The following GATM variants were observed in gnomAD, a reference collection of about 807,000 sequenced individuals.
The protein encoded by GATM is glycine amidinotransferase, also known as glycine amidinotransferase, mitochondrial.
In GATM, 23 loss-of-function variants were observed where a neutral mutation model predicts 54.2. The ratio of observed to expected loss-of-function variants is 0.42; its 90% CI spans 0.31 to 0.60. The LOEUF (loss-of-function observed/expected upper bound fraction) is 0.60. Among genes scored for constraint, GATM ranks in the 20% least tolerant of loss-of-function variants. The pLI is 0.14. For missense variants in GATM, 401 were observed against 544.9 expected, an observed-to-expected ratio of 0.74 and a Z score of 2.63; for synonymous variants, 168 against 183.1, an observed-to-expected ratio of 0.92 and a Z score of 0.67.
At chr15:45,391,747 T>C (rs1358248868) in intron 3 of GATM, among the ~76,000 whole-genome samples, 3 of 152,198 alleles carry the variant, frequency 2.0e-5, no homozygotes, top group Non-Finnish European at 4.4e-5. Flanking sequence ...GAGTTGGTGT[T>C]AGGCAAAAGT....
chr15:45,392,495 C>G (rs1426697480), intron 3 of GATM, among the ~76,000 whole-genome samples: 1 of 152,204 alleles, frequency 6.6e-6, no homozygotes, highest in Non-Finnish European at 1.5e-5. Context: ...CTGGCTGTCA[C>G]AGAACGTGGG....
intron 1 of GATM, chr15:45,378,148 G>A: frequency 2.1e-6 from 1 of 470,738 alleles, no homozygotes; most frequent in Non-Finnish European, 3.8e-6. Flanking sequence ...GACCCCAAGG[G>A]CTGGAGCCGC....
chr15:45,369,013 T>C (rs1889493535), intron 3 of GATM, among the ~76,000 whole-genome samples: 1 of 152,184 alleles, frequency 6.6e-6, no homozygotes, highest in Admixed American at 6.5e-5. Flanking sequence ...AATGGAAATG[T>C]TTCTATTCCC....
At chr15:45,364,134 T>A in intron 7 of GATM, 118 bp from the exon 8 acceptor site, 2 of 745,810 alleles carry the variant, frequency 2.7e-6, no homozygotes, top group South Asian at 2.8e-5. Context: ...ACTTTCCATG[T>A]GAACATTTAT....
intron 1 of GATM, among the ~76,000 whole-genome samples, chr15:45,400,236 T>G (rs926600096): frequency 1.3e-5 from 2 of 152,030 alleles, no homozygotes; most frequent in Admixed American, 6.6e-5. Flanking sequence ...AAATAAAATT[T>G]TAAAAATAAA....
At chr15:45,390,483 A>C (rs1420063179) in intron 3 of GATM, among the ~76,000 whole-genome samples, 1 of 152,220 alleles carries the variant, frequency 6.6e-6, no homozygotes, top group Non-Finnish European at 1.5e-5. Context: ...TGATTCAGTG[A>C]AAGGAGGTAT....
chr15:45,368,311 A>G lies in GATM; in HGVS notation c.485-51T>C, dbSNP rs1410124639. The G allele has an allele frequency of 1.9e-6, 3 of 1,554,330 alleles. No homozygotes were observed. Among genetic ancestry groups the G allele is most frequent in the Non-Finnish European group, 2.7e-6 (3 of 1,130,556 alleles). ...AACTTCAGTAGTGTTAATTTCCAAGACAAAAAAGGTCTATATAGGGCCAGG... is the reference window on the plus strand; with the variant it reads ...AACTTCAGTAGTGTTAATTTCCAAGGCAAAAAAGGTCTATATAGGGCCAGG... On this transcript the variant is annotated intron_variant, in intron 3 of 8. Coordinates refer to ENST00000396659, the MANE Select transcript of GATM (RefSeq NM_001482.3). This position sits in a 1 kb window ranked among gnomAD's most constrained non-coding sequence, Gnocchi z 5.1.
chr15:45,399,138 A>T (rs911641206), intron 2 of GATM, among the ~76,000 whole-genome samples: 7 of 152,244 alleles, frequency 4.6e-5, no homozygotes, highest in Non-Finnish European at 7.3e-5. Context: ...ATTTAAAGCT[A>T]GAAATGTTTC....
intron 2 of GATM, among the ~76,000 whole-genome samples, chr15:45,374,686 TG>T (rs1246189054): frequency 6.6e-6 from 1 of 152,238 alleles, no homozygotes; most frequent in Non-Finnish European, 1.5e-5. Flanking sequence ...GCACTTCAAC[TG>T]CCTTGTCAGT....
chr15:45,362,059 TA>T lies in GATM; in HGVS notation c.*49del. ...AAAGCAGGAGAATGAACCTTGCCCC[TA>T]AGCTTCTTAGGTGTATCTGAGGCCA... is the stretch of plus-strand genomic sequence containing the variant. On this transcript the variant is annotated 3_prime_UTR_variant, in exon 9 of 9. Coordinates refer to ENST00000396659, the MANE Select transcript of GATM (RefSeq NM_001482.3). 1 of 1,109,478 alleles carries T rather than the reference TA, an allele frequency of 9.0e-7. No homozygotes were observed. Among genetic ancestry groups the T allele is most frequent in the Non-Finnish European group, 1.4e-6 (1 of 721,886 alleles). The allele number at this position is 1,109,478 out of a possible 1,614,324, so 68.7% of individuals were successfully genotyped here. A position where few individuals can be genotyped will look rare whatever the true frequency, so the allele number is the denominator to read the frequency against.
At position 45,361,824 on chromosome 15, in the gene GATM, G is replaced by T; in HGVS notation, c.*285C>A. The T allele has an allele frequency of 1.9e-6, 1 of 518,466 alleles. No homozygotes were observed. The highest frequency in any genetic ancestry group is 3.4e-6 in the Non-Finnish European group (1 of 295,534). 32.1% of individuals were successfully genotyped at this position (518,466 alleles called of 1,614,324 possible). ...AGAGGTAGATGGTTAATTATTAGTG[G>T]CCAAGTTACTCAGGTGACTAATTTT... On this transcript the variant is annotated 3_prime_UTR_variant, in exon 9 of 9. Coordinates refer to ENST00000396659, the MANE Select transcript of GATM (RefSeq NM_001482.3).
At chr15:45,382,871 G>T (rs1035864901), upstream of GATM, among the ~76,000 whole-genome samples, 2 of 152,108 alleles carry the variant, frequency 1.3e-5, no homozygotes, top group Non-Finnish European at 2.9e-5. Flanking sequence ...CTCAGTTCTT[G>T]CTTCCTAATT....
At chr15:45,371,173 A>G (rs914661895) in intron 2 of GATM, among the ~76,000 whole-genome samples, 5 of 152,234 alleles carry the variant, frequency 3.3e-5, no homozygotes, top group African/African-American at 1.2e-4. Flanking sequence ...TCATAAATAC[A>G]TTGAGAAATG....
chr15:45,391,806 C>A (rs1281834412), intron 3 of GATM, among the ~76,000 whole-genome samples: 1 of 151,880 alleles, frequency 6.6e-6, no homozygotes, highest in Non-Finnish European at 1.5e-5. Flanking sequence ...GAAAAACTGC[C>A]AATTGCTGCC....
intron 1 of GATM, among the ~76,000 whole-genome samples, chr15:45,400,849 C>T (rs1185348648): frequency 3.3e-5 from 5 of 152,296 alleles, no homozygotes; most frequent in East Asian, 1.9e-4. Flanking sequence ...TTTCCCTCTC[C>T]CAGATCCTTA....
intron 2 of GATM, among the ~76,000 whole-genome samples, chr15:45,371,668 C>G (rs937839692): frequency 6.6e-6 from 1 of 152,180 alleles, no homozygotes; most frequent in Non-Finnish European, 1.5e-5. Flanking sequence ...TCTGGACAAG[C>G]AGGACTAGAA....
At chr15:45,384,620 C>A (rs1566844793) in intron 3 of GATM, among the ~76,000 whole-genome samples, 1 of 152,204 alleles carries the variant, frequency 6.6e-6, no homozygotes, top group Non-Finnish European at 1.5e-5. Flanking sequence ...TTAATTACAA[C>A]CCTCGGACTT....
rs150999038 is a variant in GATM at position 45,395,556 on chromosome 15, A to G, written c.-319+1366T>C. ...AAGATCTCACTGGAAAAATAATACA[A>G]AGTCACTTTAAACAATTGTCTAGCA... On this transcript the variant is annotated intron_variant, in intron 3 of 4. Transcript: ENST00000561148. 3.2e-3 allele frequency among the ~76,000 whole-genome samples: 494 copies of G among 152,260 alleles called. 5 individuals are homozygous for G. The highest frequency in any genetic ancestry group is 0.012 in the African/African-American group (479 of 41,540).
chr15:45,399,696 G>C (rs1005147478), intron 1 of GATM: 1 of 152,254 alleles, frequency 6.6e-6, no homozygotes, highest in Non-Finnish European at 1.5e-5. Flanking sequence ...AGAGACAACA[G>C]ATGGCTTCAT....
Sources: allele counts gnomAD v4.1 joint callset (sites outside exome capture counted in the v4.1 genomes callset), GRCh38; gene constraint gnomAD v4.1.1; non-coding constraint Gnocchi (gnomAD v3.1); transcripts MANE v1.5; gene names NCBI Gene and HGNC (gene_info 2026-07-23, HGNC 2026-07-21).